SLIT2: variants seen among roughly 807,000 people sequenced by gnomAD.
SLIT2 encodes the protein slit guidance ligand 2.
A neutral mutation model predicts 185.7 loss-of-function variants in SLIT2; 41 were observed. That is an observed-to-expected ratio of 0.22 (90% CI 0.17 to 0.29). The LOEUF (loss-of-function observed/expected upper bound fraction) is 0.29, where lower values mean the gene tolerates loss of function less well. Ranked by LOEUF, SLIT2 falls within the 10% of genes least tolerant of loss-of-function variation. SLIT2 has a pLI of 1.00. For synonymous variants in SLIT2, 693 were observed against 680.2 expected (o/e 1.02, Z -0.29); for missense variants, 1,571 against 1,909.0 (o/e 0.82, Z 3.30).
chr4:20,453,010 TC>T (rs1712648705), intron 4 of SLIT2, among the ~76,000 whole-genome samples: 1 of 152,226 alleles, frequency 6.6e-6, no homozygotes, highest in Non-Finnish European at 1.5e-5. Context: ...AATTATGATA[TC>T]ATGAAAATGT....
intron 4 of SLIT2, among the ~76,000 whole-genome samples, chr4:20,293,621 CT>C (rs1345926277): frequency 2.6e-5 from 4 of 152,182 alleles, no homozygotes; most frequent in Non-Finnish European, 5.9e-5. Context: ...CAATTCTTAG[CT>C]TTCTTCCTGA....
intron 4 of SLIT2, among the ~76,000 whole-genome samples, chr4:20,376,930 G>A (rs1179821695): frequency 6.6e-6 from 1 of 151,986 alleles, no homozygotes; most frequent in East Asian, 1.9e-4. Flanking sequence ...TAAACGACTC[G>A]TTAATGGGTG....
chr4:20,611,931 C>T (rs1366424335), intron 34 of SLIT2, among the ~76,000 whole-genome samples: 4 of 152,190 alleles, frequency 2.6e-5, no homozygotes, highest in African/African-American at 9.6e-5. Context: ...TTCACTTCTT[C>T]ACATAAAGCA....
chr4:20,500,907 A>T (rs1718675144), intron 9 of SLIT2, among the ~76,000 whole-genome samples: 1 of 152,166 alleles, frequency 6.6e-6, no homozygotes, highest in Non-Finnish European at 1.5e-5. Flanking sequence ...TCCTCTATCA[A>T]ATACAACTTG....
At chr4:20,334,103 A>G (rs926574152) in intron 4 of SLIT2, among the ~76,000 whole-genome samples, 1 of 152,152 alleles carries the variant, frequency 6.6e-6, no homozygotes, top group Non-Finnish European at 1.5e-5. Flanking sequence ...GATCATTTTT[A>G]AAATCATCAT....
At chr4:20,332,446 C>T (rs1237427690) in intron 4 of SLIT2, among the ~76,000 whole-genome samples, 4 of 152,118 alleles carry the variant, frequency 2.6e-5, no homozygotes, top group South Asian at 2.1e-4. Flanking sequence ...CGGTGGCTCA[C>T]GCCTGTAATC....
At chr4:20,492,131 A>G (rs1717838631) in intron 9 of SLIT2, among the ~76,000 whole-genome samples, 1 of 152,170 alleles carries the variant, frequency 6.6e-6, no homozygotes, top group Non-Finnish European at 1.5e-5. Context: ...ATTTTTTAGG[A>G]AAAACAAGGC....
At chr4:20,282,466 T>C (rs1714866745) in intron 4 of SLIT2, among the ~76,000 whole-genome samples, 1 of 152,198 alleles carries the variant, frequency 6.6e-6, no homozygotes, top group Non-Finnish European at 1.5e-5. Flanking sequence ...TTTTTAAAAG[T>C]ATAGTTCTTA....
intron 29 of SLIT2, among the ~76,000 whole-genome samples, chr4:20,576,910 G>A (rs1291033048): frequency 6.6e-6 from 1 of 151,614 alleles, no homozygotes; most frequent in Non-Finnish European, 1.5e-5. Context: ...ATATTATTTA[G>A]CCTCAGTGTT....
intron 4 of SLIT2, among the ~76,000 whole-genome samples, chr4:20,446,303 C>T (rs911017809): frequency 2.0e-5 from 3 of 152,132 alleles, no homozygotes; most frequent in South Asian, 2.1e-4. Flanking sequence ...CTCTACTTTG[C>T]GGTAAGGGAT....
chr4:20,260,961 A>G (rs528235247), intron 3 of SLIT2, among the ~76,000 whole-genome samples: 2 of 150,440 alleles, frequency 1.3e-5, no homozygotes, highest in Non-Finnish European at 3.0e-5. Flanking sequence ...CCTCTCCTCC[A>G]TTCTCTTACA....
chr4:20,615,200 A>G (rs569309222), intron 34 of SLIT2: 1 of 152,368 alleles, frequency 6.6e-6, no homozygotes, highest in Admixed American at 6.5e-5. Context: ...AACTTACCCC[A>G]GGGCAAGGAA....
chr4:20,585,539 T>C (rs1220483959), intron 29 of SLIT2, among the ~76,000 whole-genome samples: 1 of 152,202 alleles, frequency 6.6e-6, no homozygotes. Flanking sequence ...TAGGCTCCTA[T>C]CTCTTGAGAG....
intron 4 of SLIT2, among the ~76,000 whole-genome samples, chr4:20,389,733 G>A (rs1725266876): frequency 6.6e-6 from 1 of 152,116 alleles, no homozygotes; most frequent in Admixed American, 6.6e-5. Flanking sequence ...AGGAGCAGAT[G>A]TGAAGAGGAG....
At chr4:20,559,173 G>C (rs1290779131) in intron 26 of SLIT2, among the ~76,000 whole-genome samples, 1 of 151,994 alleles carries the variant, frequency 6.6e-6, no homozygotes, top group South Asian at 2.1e-4. Context: ...CTTGTTAATT[G>C]TCAGATGATG....
chr4:20,551,355 T>C (rs1471791006), intron 25 of SLIT2, among the ~76,000 whole-genome samples: 1 of 152,184 alleles, frequency 6.6e-6, no homozygotes, highest in East Asian at 1.9e-4. Flanking sequence ...AAATTCAACA[T>C]GGTTCGAGAC....
At chr4:20,454,708 C>G (rs1279431908) in intron 4 of SLIT2, among the ~76,000 whole-genome samples, 1 of 152,090 alleles carries the variant, frequency 6.6e-6, no homozygotes, top group South Asian at 2.1e-4. Flanking sequence ...GACACTTTCA[C>G]ATAAAGTGAA....
intron 4 of SLIT2, among the ~76,000 whole-genome samples, chr4:20,449,054 T>C (rs1712166377): frequency 6.6e-6 from 1 of 152,212 alleles, no homozygotes; most frequent in Non-Finnish European, 1.5e-5. Context: ...GTTGCTTTTC[T>C]TGAAAATTAA....
rs144073473 is a variant in SLIT2, at chr4:20,595,776, G to A, written c.3262G>A (p.Gly1088Arg). The change falls in exon 31 of 37, where the codon GGA becomes AGA. Residue 1088 changes from glycine to arginine, a missense_variant. Physicochemically the swap from Gly to Arg is moderately radical, Grantham distance 125 (BLOSUM62 -2). Coordinates refer to ENST00000504154, the MANE Select transcript of SLIT2 (RefSeq NM_004787.4). ...DDCQDNKCKN[G>R]AHCTDAVNGY... ...CTGCCAAGACAACAAGTGTAAAAAC[G>A]GAGCCCACTGCACAGATGCAGTGAA... 4.3e-5 allele frequency: 70 copies of A among 1,613,970 alleles called. No homozygotes were observed. The highest frequency in any genetic ancestry group is 1.8e-4 in the East Asian group (8 of 44,884).
Sources: allele counts gnomAD v4.1 joint callset (sites outside exome capture counted in the v4.1 genomes callset), GRCh38; gene constraint gnomAD v4.1.1; transcripts MANE v1.5; gene names NCBI Gene and HGNC (gene_info 2026-07-23, HGNC 2026-07-21).